ISL1: variants seen among roughly 807,000 people sequenced by gnomAD.
The protein encoded by ISL1 is insulin gene enhancer protein ISL-1.
In ISL1, 4 loss-of-function variants were observed where a neutral mutation model predicts 35.3. That is an observed-to-expected ratio of 0.11 (90% CI 0.06 to 0.26). The LOEUF (loss-of-function observed/expected upper bound fraction) is 0.26. ISL1 is among the 10% of genes least tolerant of loss of function. ISL1 has a pLI of 1.00. For missense variants in ISL1, 340 were observed against 472.8 expected, an observed-to-expected ratio of 0.72 and a Z score of 2.60; for synonymous variants, 186 against 172.3, an observed-to-expected ratio of 1.08 and a Z score of -0.62.
intron 4 of ISL1, 113 bp downstream of exon 4, chr5:51,390,045 G>T: frequency 1.6e-6 from 2 of 1,261,112 alleles, no homozygotes; most frequent in Non-Finnish European, 2.2e-6. Flanking sequence ...CTGGGCAGGA[G>T]TTTGGCCGGG....
chr5:51,387,471 T>C lies in ISL1; in HGVS notation c.219-19T>C, dbSNP rs780013978. 6.8e-6 allele frequency: 11 copies of C among 1,613,176 alleles called. No homozygotes were observed. Among genetic ancestry groups the C allele is most frequent in the Non-Finnish European group, 3.4e-6 (4 of 1,179,700 alleles). The stretch of plus-strand genomic sequence containing the variant: ...TCTCCCCGCTCTGGGCCGCCTCCGC[T>C]CCCCCCTCCCCCGCACAGGTTGTAC... On this transcript the variant is annotated intron_variant, in intron 2 of 5. Coordinates refer to ENST00000230658, the MANE Select transcript of ISL1 (RefSeq NM_002202.3). The surrounding 1 kb of genome is among the most constrained non-coding windows in gnomAD (Gnocchi z 4.3).
chr5:51,386,570 A>T (rs1747347207), intron 2 of ISL1: 1 of 455,996 alleles, frequency 2.2e-6, no homozygotes, highest in South Asian at 1.5e-5. Flanking sequence ...TTCCTGAAAG[A>T]TGGAGAAGGG....
chr5:51,384,569 T>A lies in ISL1; in HGVS notation c.57T>A (p.Gly19=), dbSNP rs1481938951. 1 of 1,614,074 alleles carries A rather than the reference T, an allele frequency of 6.2e-7. No homozygotes were observed. Among genetic ancestry groups the A allele is most frequent in the Non-Finnish European group, 8.5e-7 (1 of 1,180,042 alleles). The stretch of plus-strand genomic sequence containing the variant: ...AACGTCTGATTTCCCTATGTGTTGG[T>A]TGCGGCAATCAGATTCACGATCAGT... ...KKKRLISLCV[G]CGNQIHDQYI... Residue 19 remains glycine, a synonymous_variant, in exon 2 of 6, where the codon GGT becomes GGA. Coordinates refer to ENST00000230658, the MANE Select transcript of ISL1 (RefSeq NM_002202.3).
At chr5:51,386,344 CA>C in intron 2 of ISL1, 1 of 291,212 alleles carries the variant, frequency 3.4e-6, no homozygotes, top group Admixed American at 4.4e-5. Flanking sequence ...AGGAACTAAT[CA>C]TTTTTACCTT....
Position 51,389,922 on chromosome 5 carries a change from A to G in ISL1, c.755A>G (p.Asn252Ser), listed in dbSNP as rs121912286. ...MMKQLQQQQP[N>S]DKTNIQGMTG... The stretch of plus-strand genomic sequence containing the variant: ...AAGCAACTCCAGCAGCAGCAGCCCA[A>G]TGACAAAACTGTGAGTGGCTCTGGG... Residue 252 changes from asparagine to serine, a missense_variant, in exon 4 of 6, where the codon AAT becomes AGT. This residue lies in a region of ISL1 where 25 missense variants were observed against 43.2 expected (regional missense o/e 0.58). Transcript: ENST00000230658. This position sits in a 1 kb window ranked among gnomAD's most constrained non-coding sequence, Gnocchi z 5.0. The G allele has an allele frequency of 5.5e-4, 883 of 1,613,882 alleles. No individual in the cohort carries two copies. The highest frequency in any genetic ancestry group is 4.6e-3 in the Middle Eastern group (28 of 6,058).
chr5:51,385,674 C>T (rs1747326294), intron 2 of ISL1, among the ~76,000 whole-genome samples: 1 of 151,560 alleles, frequency 6.6e-6, no homozygotes, highest in Non-Finnish European at 1.5e-5. Flanking sequence ...TTGTTTTCTG[C>T]CTTAGAAAGC....
Position 51,390,723 on chromosome 5 carries a change from A to G in ISL1, c.766-551A>G, listed in dbSNP as rs577054442. On this transcript the variant is annotated intron_variant, in intron 4 of 5. Coordinates refer to ENST00000230658, the MANE Select transcript of ISL1 (RefSeq NM_002202.3). Reference sequence around the variant, plus strand: ...TTTAAATGCCATAAAATCTGCTGTCATTAAACTTGGCAGGCTGGCCAAGAT... The same window carrying G: ...TTTAAATGCCATAAAATCTGCTGTCGTTAAACTTGGCAGGCTGGCCAAGAT... 2.5e-5 allele frequency among the ~76,000 whole-genome samples: 3 copies of G among 118,304 alleles called. No homozygotes were observed. In the East Asian group the frequency reaches 8.4e-4, roughly 33 times the overall value. The allele number at this position is 118,304 out of a possible 152,430, so 77.6% of individuals were successfully genotyped here.
Position 51,389,561 on chromosome 5 carries a change from G to A in ISL1, c.479-85G>A. The stretch of plus-strand genomic sequence containing the variant: ...AGTAAGCGGGCGGGCGGGCGGGCAA[G>A]CGAGCGAGCGAGCGAGCGCGCGACC... On this transcript the variant is annotated intron_variant, in intron 3 of 5. Transcript: ENST00000230658. The surrounding 1 kb of genome is among the most constrained non-coding windows in gnomAD (Gnocchi z 5.0). 1 of 1,195,642 alleles carries A rather than the reference G, an allele frequency of 8.4e-7. No individual in the cohort carries two copies. Among genetic ancestry groups the A allele is most frequent in the Non-Finnish European group, 1.1e-6 (1 of 924,298 alleles). The allele number at this position is 1,195,642 out of a possible 1,614,324, so 74.1% of individuals were successfully genotyped here. A position where few individuals can be genotyped will look rare whatever the true frequency, so the allele number is the denominator to read the frequency against.
intron 2 of ISL1, chr5:51,386,721 G>A: frequency 2.3e-6 from 1 of 430,824 alleles, no homozygotes; most frequent in Non-Finnish European, 4.6e-6. Flanking sequence ...AAATGAGGTA[G>A]ATGATTCAGC....
At chr5:51,392,561 C>T (rs1252638267) in intron 5 of ISL1, among the ~76,000 whole-genome samples, 3 of 152,028 alleles carry the variant, frequency 2.0e-5, no homozygotes, top group African/African-American at 7.3e-5. Flanking sequence ...GCTAGAAGTC[C>T]CTTAATCTCA....
intron 3 of ISL1, among the ~76,000 whole-genome samples, chr5:51,388,854 C>T (rs1747416108): frequency 6.6e-6 from 1 of 152,036 alleles, no homozygotes; most frequent in African/African-American, 2.4e-5. Flanking sequence ...GCTAAAATAC[C>T]GAGAGGGAGG....
At chr5:51,390,636 C>CCTTTTTTTTTTTTTTTTTT (rs1747475980) in intron 4 of ISL1, among the ~76,000 whole-genome samples, 13 of 74,328 alleles carry the variant, frequency 1.7e-4, no homozygotes, top group African/African-American at 4.7e-4. Flanking sequence ...TCTTTTCTTT[C>CCTTTTTTTTTTTTTTTTTT]TTTTTCTTTT....
rs1448430489 is a variant in ISL1 at position 51,387,768 on chromosome 5, C to T, written c.478+19C>T. 8.1e-6 allele frequency: 13 copies of T among 1,613,202 alleles called. No individual in the cohort carries two copies. The highest frequency in any genetic ancestry group is 1.7e-5 in the Admixed American group (1 of 60,002). ...ATGGCAGGTACTCCTCTGCCCGGCTCGGGTAGGCAGGCGCCAGGTTAAGCC... is the reference window on the plus strand; with the variant it reads ...ATGGCAGGTACTCCTCTGCCCGGCTTGGGTAGGCAGGCGCCAGGTTAAGCC... On this transcript the variant is annotated intron_variant, in intron 3 of 5. Coordinates refer to ENST00000230658, the MANE Select transcript of ISL1 (RefSeq NM_002202.3). This position sits in a 1 kb window ranked among gnomAD's most constrained non-coding sequence, Gnocchi z 4.3.
Position 51,389,527 on chromosome 5 carries a change from G to T in ISL1, c.479-119G>T. 1 of 893,170 alleles carries T rather than the reference G, an allele frequency of 1.1e-6. No homozygotes were observed. The highest frequency in any genetic ancestry group is 1.5e-6 in the Non-Finnish European group (1 of 647,888). 55.3% of individuals were successfully genotyped at this position (893,170 alleles called of 1,614,324 possible). On this transcript the variant is annotated intron_variant, in intron 3 of 5. Coordinates refer to ENST00000230658, the MANE Select transcript of ISL1 (RefSeq NM_002202.3). The surrounding 1 kb of genome is among the most constrained non-coding windows in gnomAD (Gnocchi z 5.0). ...AGCCATTGTCCTGAGTATCTCGGGC[G>T]GGCGAGCAAGTAAGCGGGCGGGCGG...
At chr5:51,392,617 G>T (rs1747543714) in intron 5 of ISL1, among the ~76,000 whole-genome samples, 1 of 151,744 alleles carries the variant, frequency 6.6e-6, no homozygotes, top group South Asian at 2.1e-4. Flanking sequence ...TCTAGAACTA[G>T]GAAAAAAAAA....
chr5:51,385,712 A>G (rs1491002342), intron 2 of ISL1, among the ~76,000 whole-genome samples: 1 of 151,994 alleles, frequency 6.6e-6, no homozygotes, highest in Admixed American at 6.5e-5. Flanking sequence ...AATTGTATTC[A>G]TTTTATTAAC....
Position 51,389,300 on chromosome 5 carries a change from T to C in ISL1, c.479-346T>C, listed in dbSNP as rs923574629. ...CAGTGCTGAAAAATGCCACCCCTGC[T>C]GTGAACAGGGGGACAGACTTTGAGA... On this transcript the variant is annotated intron_variant, in intron 3 of 5. Transcript: ENST00000230658. This position sits in a 1 kb window ranked among gnomAD's most constrained non-coding sequence, Gnocchi z 5.0. Among the ~76,000 whole-genome samples the C allele has an allele frequency of 1.3e-5, 2 of 152,148 alleles. No individual in the cohort carries two copies. The highest frequency in any genetic ancestry group is 2.9e-5 in the Non-Finnish European group (2 of 68,024).
chr5:51,388,714 C>T lies in ISL1; in HGVS notation c.479-932C>T, dbSNP rs879759924. On this transcript the variant is annotated intron_variant, in intron 3 of 5. Transcript: ENST00000230658. ...TGAGGAAACTATAGCCCTCCCTTAC[C>T]CTTCTGCCTTCTGGCAGCTCTAAGA... Among the ~76,000 whole-genome samples the T allele has an allele frequency of 2.6e-5, 4 of 152,318 alleles. No homozygotes were observed. In the South Asian group the frequency reaches 6.2e-4, roughly 24 times the overall value.
Position 51,394,298 on chromosome 5 carries a change from T to G in ISL1, c.*688T>G, listed in dbSNP as rs1747585760. 6.5e-6 allele frequency: 1 copy of G among 152,698 alleles called. No homozygotes were observed. Among genetic ancestry groups the G allele is most frequent in the African/African-American group, 2.4e-5 (1 of 41,442 alleles). The allele number at this position is 152,698 out of a possible 1,614,324, so 9.5% of individuals were successfully genotyped here. A position where few individuals can be genotyped will look rare whatever the true frequency, so the allele number is the denominator to read the frequency against. On this transcript the variant is annotated 3_prime_UTR_variant, in exon 6 of 6. Transcript: ENST00000230658. The stretch of plus-strand genomic sequence containing the variant: ...GAATTCAGATTTAAAAACCAACTTA[T>G]AAAGCATTGCAACAAGGTTACCTCT...
Sources: gnomAD v4.1 joint callset for allele counts (sites outside exome capture counted in the v4.1 genomes callset) on GRCh38, gnomAD v4.1.1 for gene constraint, gnomAD v4.1.1 regional missense constraint, Gnocchi (gnomAD v3.1) non-coding constraint, MANE v1.5 for transcripts, NCBI Gene and HGNC (gene_info 2026-07-23, HGNC 2026-07-21) for gene names.